Variants in ZNF385D observed in about 807,000 individuals in gnomAD.
ZNF385D encodes zinc finger protein 659.
In ZNF385D, 15 loss-of-function variants were observed where a neutral mutation model predicts 35.8. The ratio of observed to expected loss-of-function variants is 0.42; its 90% CI spans 0.28 to 0.64. The LOEUF is 0.64. Ranked by LOEUF, ZNF385D falls within the 30% of genes least tolerant of loss-of-function variation. The pLI is 0.23. For missense variants in ZNF385D, 474 were observed against 494.6 expected (o/e 0.96, Z 0.39); for synonymous variants, 212 against 186.8 (o/e 1.13, Z -1.10).
intron 3 of ZNF385D, among the ~76,000 whole-genome samples, chr3:22,146,547 G>C (rs1269020230): frequency 6.6e-6 from 1 of 151,890 alleles, no homozygotes; most frequent in Non-Finnish European, 1.5e-5. Flanking sequence ...ACTTTTTATG[G>C]TTGTCCATTT....
At chr3:22,237,824 A>T (rs1443474407) in intron 2 of ZNF385D, among the ~76,000 whole-genome samples, 1 of 151,670 alleles carries the variant, frequency 6.6e-6, no homozygotes, top group Non-Finnish European at 1.5e-5. Flanking sequence ...TTGTATTTTT[A>T]GTAGAGGTGG....
intron 2 of ZNF385D, among the ~76,000 whole-genome samples, chr3:22,281,068 T>C (rs915420446): frequency 6.6e-6 from 1 of 152,106 alleles, no homozygotes; most frequent in Non-Finnish European, 1.5e-5. Context: ...GGGCTACTGA[T>C]TTCTGTACAT....
chr3:21,982,297 G>A (rs1227641889), intron 3 of ZNF385D, among the ~76,000 whole-genome samples: 3 of 151,858 alleles, frequency 2.0e-5, no homozygotes, highest in African/African-American at 7.3e-5. Context: ...CACCTCCCTG[G>A]TTAGCTGTAT....
chr3:21,470,057 T>C (rs982543470), intron 4 of ZNF385D, among the ~76,000 whole-genome samples: 2 of 152,238 alleles, frequency 1.3e-5, no homozygotes, highest in Non-Finnish European at 2.9e-5. Flanking sequence ...AGCACTTTGC[T>C]TACTGTGTAT....
At chr3:21,511,055 C>G in intron 3 of ZNF385D, 32 bp from the exon 4 acceptor site, 1 of 1,612,432 alleles carries the variant, frequency 6.2e-7, no homozygotes, top group Non-Finnish European at 8.5e-7. Flanking sequence ...ACCATGCAAT[C>G]AGGCTCATTT....
At chr3:22,104,052 C>A (rs1702077892) in intron 3 of ZNF385D, among the ~76,000 whole-genome samples, 1 of 151,960 alleles carries the variant, frequency 6.6e-6, no homozygotes, top group Non-Finnish European at 1.5e-5. Flanking sequence ...AATTTGCCAG[C>A]CTTGGGGAGT....
chr3:21,908,963 G>A (rs1472164938), intron 3 of ZNF385D, among the ~76,000 whole-genome samples: 1 of 151,900 alleles, frequency 6.6e-6, no homozygotes, highest in Non-Finnish European at 1.5e-5. Flanking sequence ...AAGTCTTATA[G>A]CCTATTAAAA....
At position 21,541,295 on chromosome 3, in the gene ZNF385D, G is replaced by C. The variant is rs183708519; in HGVS notation, c.276+23279C>G. Among the ~76,000 whole-genome samples, 57 of 152,274 alleles carry C rather than the reference G, an allele frequency of 3.7e-4. No homozygotes were observed. The East Asian group carries it at 6.6e-3, about 18-fold the overall frequency. On this transcript the variant is annotated intron_variant, in intron 3 of 7. Coordinates refer to ENST00000281523, the MANE Select transcript of ZNF385D (RefSeq NM_024697.3). ...TGAAGAAGGTTAAAAATGAATGGGT[G>C]CTACACAGATTTGGGGGCAGAAGGT...
chr3:21,860,409 A>G (rs1696982894), intron 3 of ZNF385D, among the ~76,000 whole-genome samples: 1 of 152,166 alleles, frequency 6.6e-6, no homozygotes, highest in Non-Finnish European at 1.5e-5. Flanking sequence ...CTACATGTTT[A>G]CAGATTAATC....
intron 3 of ZNF385D, among the ~76,000 whole-genome samples, chr3:22,131,549 T>C (rs1368734870): frequency 1.3e-5 from 2 of 151,946 alleles, no homozygotes; most frequent in African/African-American, 4.8e-5. Context: ...AAATGATGTA[T>C]CAGGAGAGAA....
At chr3:22,123,950 CTCTCTCTCTCTCTATATATATATA>C (rs954581826) in intron 3 of ZNF385D, among the ~76,000 whole-genome samples, 1 of 103,196 alleles carries the variant, frequency 9.7e-6, no homozygotes, top group African/African-American at 3.6e-5. Context: ...CTCTCTCTCT[CTCTCTCTCTCTCTATATATATATA>C]TATATATATA....
At chr3:21,911,500 T>C (rs1575894985) in intron 3 of ZNF385D, among the ~76,000 whole-genome samples, 1 of 151,958 alleles carries the variant, frequency 6.6e-6, no homozygotes, top group East Asian at 1.9e-4. Context: ...AAAGGTTTTT[T>C]ATTTGTATTA....
At chr3:22,120,444 A>G (rs550105230) in intron 3 of ZNF385D, among the ~76,000 whole-genome samples, 6 of 152,170 alleles carry the variant, frequency 3.9e-5, no homozygotes, top group African/African-American at 1.4e-4. Flanking sequence ...GTATAAGCTT[A>G]ATTACTTTTT....
chr3:22,037,525 T>G (rs1698407752), intron 3 of ZNF385D, among the ~76,000 whole-genome samples: 2 of 152,286 alleles, frequency 1.3e-5, no homozygotes, highest in Middle Eastern at 3.4e-3. Context: ...GAGAAGTGTC[T>G]GTTCATATCC....
chr3:21,593,634 A>G (rs773280583), intron 2 of ZNF385D, among the ~76,000 whole-genome samples: 1 of 152,114 alleles, frequency 6.6e-6, no homozygotes, highest in Non-Finnish European at 1.5e-5. Context: ...ACACATGCCA[A>G]TATGTACACA....
chr3:21,948,448 G>A (rs1412501566), intron 3 of ZNF385D, among the ~76,000 whole-genome samples: 2 of 151,832 alleles, frequency 1.3e-5, no homozygotes, highest in Non-Finnish European at 2.9e-5. Flanking sequence ...AATTCCTTAA[G>A]TCTCTTAGAA....
At chr3:21,583,198 A>G (rs1028931794) in intron 2 of ZNF385D, among the ~76,000 whole-genome samples, 2 of 152,174 alleles carry the variant, frequency 1.3e-5, no homozygotes, top group African/African-American at 4.8e-5. Flanking sequence ...GAAAATATAA[A>G]CTGTAACCAT....
In ZNF385D at chr3:22,308,155, T is replaced by C. The variant is rs571072030; in HGVS notation, c.106+64295A>G. Among the ~76,000 whole-genome samples, 4 of 152,114 alleles carry C rather than the reference T, an allele frequency of 2.6e-5. No homozygotes were observed. The South Asian group carries it at 6.2e-4, about 24-fold the overall frequency. On this transcript the variant is annotated intron_variant, in intron 2 of 5. Transcript: ENST00000494108. ...GCAACTTCCAAAAGAATGTACGTTA[T>C]TTAAAGCACAAAGACAATCTACTAA...
At chr3:21,848,149 A>G (rs182163409) in intron 3 of ZNF385D, among the ~76,000 whole-genome samples, 1 of 152,172 alleles carries the variant, frequency 6.6e-6, no homozygotes, top group African/African-American at 2.4e-5. Context: ...CTCAAAGCTC[A>G]TCCATGATGT....
Sources: allele counts gnomAD v4.1 joint callset (sites outside exome capture counted in the v4.1 genomes callset), GRCh38; gene constraint gnomAD v4.1.1; transcripts MANE v1.5; gene names NCBI Gene and HGNC (gene_info 2026-07-23, HGNC 2026-07-21).